Variants in GNA12 observed in about 807,000 individuals in gnomAD.
GNA12 encodes the protein G protein subunit alpha 12.
Under a neutral mutation model 26.0 loss-of-function variants are expected in GNA12, and 9 were observed. The observed-to-expected ratio is 0.35, with a 90% CI of 0.21 to 0.60. The LOEUF is 0.60. Among genes scored for constraint, GNA12 ranks in the 20% least tolerant of loss-of-function variants. The pLI, the probability that GNA12 is intolerant of heterozygous loss-of-function variation, is 0.78. For synonymous variants in GNA12, 264 were observed against 219.6 expected (o/e 1.20, Z -1.79); for missense variants, 405 against 525.8 (o/e 0.77, Z 2.25).
chr7:2,817,681 T>C (rs571127973), intron 1 of GNA12, among the ~76,000 whole-genome samples: 1 of 152,366 alleles, frequency 6.6e-6, no homozygotes, highest in African/African-American at 2.4e-5. Context: ...GGCACTCAGA[T>C]GTTTGTGGAA....
chr7:2,826,059 GAC>G (rs914291921), intron 1 of GNA12, among the ~76,000 whole-genome samples: 3 of 152,078 alleles, frequency 2.0e-5, no homozygotes, highest in Non-Finnish European at 4.4e-5. Flanking sequence ...AACTCCGGAA[GAC>G]AGTTGGGCAG....
intron 2 of GNA12, among the ~76,000 whole-genome samples, chr7:2,767,281 C>G (rs1562417648): frequency 6.6e-6 from 1 of 152,172 alleles, no homozygotes; most frequent in African/African-American, 2.4e-5. Context: ...GTTGCCTAGG[C>G]TTTTGGTATC....
intron 2 of GNA12, among the ~76,000 whole-genome samples, chr7:2,757,935 T>C (rs1210400747): frequency 6.6e-6 from 1 of 152,168 alleles, no homozygotes; most frequent in African/African-American, 2.4e-5. Flanking sequence ...CACATCAGAA[T>C]AGCAATAATA....
At chr7:2,807,172 A>T (rs1792969779) in intron 1 of GNA12, among the ~76,000 whole-genome samples, 1 of 152,234 alleles carries the variant, frequency 6.6e-6, no homozygotes, top group Non-Finnish European at 1.5e-5. Flanking sequence ...GAAAATGAGG[A>T]AAATTTAGTG....
At chr7:2,835,656 T>C (rs1483755691) in intron 1 of GNA12, 5 of 954,740 alleles carry the variant, frequency 5.2e-6, no homozygotes, top group South Asian at 2.6e-5. Context: ...CTGCAGAAGA[T>C]GTCAATGTTA....
At chr7:2,794,779 G>A (rs2527686) in intron 2 of GNA12, 149 bp downstream of exon 2, 322,168 of 639,416 alleles carry the variant, frequency 0.5, 83,409 homozygotes, top group Admixed American at 0.56. Flanking sequence ...CCTCCATCCC[G>A]TGTTTTGGTT....
intron 1 of GNA12, among the ~76,000 whole-genome samples, chr7:2,799,884 G>C (rs537922305): frequency 2.5e-3 from 384 of 152,294 alleles, no homozygotes; most frequent in Non-Finnish European, 4.0e-3. Flanking sequence ...GCAACACCAA[G>C]CGGAGGTGAG....
intron 1 of GNA12, among the ~76,000 whole-genome samples, chr7:2,820,173 G>A (rs759695482): frequency 2.6e-5 from 4 of 152,186 alleles, no homozygotes; most frequent in Non-Finnish European, 4.4e-5. Flanking sequence ...AATCAACAGC[G>A]TCGAGAGAAA....
intron 1 of GNA12, among the ~76,000 whole-genome samples, chr7:2,821,568 G>A (rs1194934526): frequency 6.6e-6 from 1 of 152,172 alleles, no homozygotes; most frequent in Admixed American, 6.5e-5. Flanking sequence ...TCACTGGGTG[G>A]CCCCAAGCAA....
At chr7:2,807,214 A>G (rs186044289) in intron 1 of GNA12, among the ~76,000 whole-genome samples, 53 of 152,340 alleles carry the variant, frequency 3.5e-4, no homozygotes, top group Non-Finnish European at 2.9e-5. Flanking sequence ...ATTAGAAAAA[A>G]TGGAATAGAC....
At chr7:2,768,474 G>A (rs935265648) in intron 2 of GNA12, among the ~76,000 whole-genome samples, 7 of 152,082 alleles carry the variant, frequency 4.6e-5, no homozygotes, top group Admixed American at 1.3e-4. Flanking sequence ...CGAGGACTGC[G>A]TGAAATGAAA....
Position 2,785,732 on chromosome 7 carries a change from G to T in GNA12, c.525+9196C>A, listed in dbSNP as rs79518301. 7.6e-3 allele frequency among the ~76,000 whole-genome samples: 1,153 copies of T among 152,162 alleles called. 11 individuals carry two copies. The highest frequency in any genetic ancestry group is 0.071 in the Middle Eastern group (21 of 294). ...ACATTTTTCAGATAAACAAGCTGTG[G>T]TACCTCCATACTAGGGAATACTACT... On this transcript the variant is annotated intron_variant, in intron 2 of 3. Transcript: ENST00000275364.
At chr7:2,751,594 T>C (rs919908034) in intron 2 of GNA12, among the ~76,000 whole-genome samples, 4 of 152,156 alleles carry the variant, frequency 2.6e-5, no homozygotes, top group Admixed American at 2.0e-4. Flanking sequence ...AAATGTTGGT[T>C]CTTTAAAAAT....
intron 2 of GNA12, among the ~76,000 whole-genome samples, chr7:2,766,060 G>A (rs926942536): frequency 6.6e-6 from 1 of 152,116 alleles, no homozygotes; most frequent in Non-Finnish European, 1.5e-5. Flanking sequence ...TTGTGAAACC[G>A]ATCTCCAAAA....
chr7:2,832,171 C>G (rs1470211355), intron 1 of GNA12, among the ~76,000 whole-genome samples: 1 of 152,178 alleles, frequency 6.6e-6, no homozygotes, highest in Admixed American at 6.5e-5. Context: ...AGTCGAAAGG[C>G]CTCTTCCACT....
intron 2 of GNA12, among the ~76,000 whole-genome samples, chr7:2,750,757 T>C (rs946765840): frequency 1.3e-5 from 2 of 152,200 alleles, no homozygotes; most frequent in Admixed American, 6.5e-5. Context: ...AGGGGGACTA[T>C]CGGACAGGCA....
At chr7:2,758,771 G>A (rs1272389573) in intron 2 of GNA12, among the ~76,000 whole-genome samples, 1 of 152,186 alleles carries the variant, frequency 6.6e-6, no homozygotes, top group East Asian at 1.9e-4. Context: ...TGGTTCAGTG[G>A]ATAATCAAGT....
chr7:2,770,658 C>CAAAAT (rs1791925104), intron 2 of GNA12, among the ~76,000 whole-genome samples: 1 of 151,824 alleles, frequency 6.6e-6, no homozygotes, highest in Non-Finnish European at 1.5e-5. Flanking sequence ...AACAACAAAA[C>CAAAAT]AAAACAAAAC....
chr7:2,742,165 A>G (rs189841275), intron 2 of GNA12, among the ~76,000 whole-genome samples: 48 of 151,622 alleles, frequency 3.2e-4, no homozygotes, highest in Admixed American at 2.4e-3. Context: ...GGGATTACAG[A>G]GGTGCACCAC....
Sources: allele counts gnomAD v4.1 joint callset (sites outside exome capture counted in the v4.1 genomes callset), GRCh38; gene constraint gnomAD v4.1.1; transcripts MANE v1.5; gene names NCBI Gene and HGNC (gene_info 2026-07-23, HGNC 2026-07-21).